The following CYP2C19 variants were observed in gnomAD, a reference collection of about 807,000 sequenced individuals.
CYP2C19 encodes the protein cytochrome P450 family 2 subfamily C member 19.
A neutral mutation model predicts 40.9 loss-of-function variants in CYP2C19; 59 were observed. The ratio of observed to expected loss-of-function variants is 1.44; its 90% CI spans 1.17 to 1.79. CYP2C19 has a LOEUF of 1.79. CYP2C19 is among the 40% of genes most tolerant of loss of function. The pLI is 0.00. For missense variants in CYP2C19, 754 were observed against 596.9 expected, an observed-to-expected ratio of 1.26 and a Z score of -2.74; for synonymous variants, 253 against 208.7, an observed-to-expected ratio of 1.21 and a Z score of -1.83.
Position 94,854,310 on chromosome 10 carries a change from C to T in CYP2C19, c.*1396C>T, listed in dbSNP as rs551314604. Among the ~76,000 whole-genome samples, 1 of 152,228 alleles carries T rather than the reference C, an allele frequency of 6.6e-6. No homozygotes were observed. The highest frequency in any genetic ancestry group is 1.9e-4 in the East Asian group (1 of 5,168). Reference sequence around the variant, plus strand: ...CTGGGCTTACAGGCGTGAGCCACTGCACCTGGCTGAACAAAATTTCTAAGA... The same window carrying T: ...CTGGGCTTACAGGCGTGAGCCACTGTACCTGGCTGAACAAAATTTCTAAGA... On this transcript the variant is annotated 3_prime_UTR_variant, in exon 9 of 9. Transcript: ENST00000371321.
At chr10:94,802,935 AT>A (rs1848786780) in intron 5 of CYP2C19, among the ~76,000 whole-genome samples, 1 of 152,074 alleles carries the variant, frequency 6.6e-6, no homozygotes, top group Admixed American at 6.6e-5. Flanking sequence ...CTCGCTTGTC[AT>A]GTTTCTGCTG....
At chr10:94,827,731 T>C (rs1258297405) in intron 6 of CYP2C19, among the ~76,000 whole-genome samples, 1 of 152,160 alleles carries the variant, frequency 6.6e-6, no homozygotes, top group Admixed American at 6.5e-5. Flanking sequence ...GCTCTTGCTT[T>C]TCTAGTTCTT....
At chr10:94,820,730 C>G (rs972622925) in intron 6 of CYP2C19, 93 bp downstream of exon 6, 4 of 1,507,086 alleles carry the variant, frequency 2.7e-6, no homozygotes, top group Admixed American at 1.7e-5. Flanking sequence ...TAGAGAAGTT[C>G]CATTATTTAA....
At chr10:94,768,532 G>A (rs756886931) in intron 1 of CYP2C19, among the ~76,000 whole-genome samples, 2 of 152,162 alleles carry the variant, frequency 1.3e-5, no homozygotes, top group African/African-American at 2.4e-5. Flanking sequence ...TCAAGGAGTA[G>A]CACCTGATAT....
At chr10:94,810,975 A>G (rs1848914046) in intron 5 of CYP2C19, among the ~76,000 whole-genome samples, 1 of 152,232 alleles carries the variant, frequency 6.6e-6, no homozygotes, top group East Asian at 1.9e-4. Context: ...ATGTGATGTT[A>G]GGGTGTTGAT....
At chr10:94,803,002 G>A (rs1848787325) in intron 5 of CYP2C19, among the ~76,000 whole-genome samples, 1 of 151,832 alleles carries the variant, frequency 6.6e-6, no homozygotes, top group Non-Finnish European at 1.5e-5. Flanking sequence ...AACCTCTCTG[G>A]CTGCTCTTAA....
At chr10:94,793,730 C>T (rs1848642244) in intron 5 of CYP2C19, among the ~76,000 whole-genome samples, 1 of 152,112 alleles carries the variant, frequency 6.6e-6, no homozygotes, top group Admixed American at 6.5e-5. Context: ...AGCTTTGTCT[C>T]AAAGGAGCAC....
chr10:94,781,998 G>A lies in CYP2C19; in HGVS notation c.819+1G>A. 6.5e-7 allele frequency: 1 copy of A among 1,534,792 alleles called. No homozygotes were observed. The highest frequency in any genetic ancestry group is 1.3e-5 in the South Asian group (1 of 74,742). ...TTGCTTCCTGATCAAAATGGAGAAG[G>A]TAAAATGTTAACAAAAGCTTAGTTA... On this transcript the variant is annotated splice_donor_variant, in intron 5 of 8. Transcript: ENST00000371321. LOFTEE classifies it high-confidence loss of function.
chr10:94,828,465 A>G (rs1849268438), intron 6 of CYP2C19, among the ~76,000 whole-genome samples: 1 of 145,820 alleles, frequency 6.9e-6, no homozygotes, highest in South Asian at 2.3e-4. Context: ...AGTCTGTTTT[A>G]TCAGAGACTA....
chr10:94,820,753 G>A (rs576942553), intron 6 of CYP2C19, 116 bp downstream of exon 6: 35 of 1,315,934 alleles, frequency 2.7e-5, no homozygotes, highest in East Asian at 1.4e-4. Context: ...TTCTGTGCCC[G>A]CAGCTGTAAT....
intron 6 of CYP2C19, among the ~76,000 whole-genome samples, chr10:94,826,467 G>T (rs966742033): frequency 6.6e-6 from 1 of 152,066 alleles, no homozygotes; most frequent in African/African-American, 2.4e-5. Context: ...TTTGTCTATT[G>T]TTGGTGTATA....
At chr10:94,792,623 G>T (rs1338369315) in intron 5 of CYP2C19, among the ~76,000 whole-genome samples, 1 of 152,098 alleles carries the variant, frequency 6.6e-6, no homozygotes, top group Non-Finnish European at 1.5e-5. Context: ...AGCTTAATTT[G>T]GCTGGATATG....
chr10:94,847,635 C>G (rs375968630), intron 7 of CYP2C19, among the ~76,000 whole-genome samples: 2 of 152,048 alleles, frequency 1.3e-5, no homozygotes. Flanking sequence ...TAGTTCTAGA[C>G]CCCTGAGGAA....
rs538456335 is a variant in CYP2C19 at position 94,837,272 on chromosome 10, C to T, written c.962-5565C>T. Reference sequence around the variant, plus strand: ...TTTACTAGGCCTTGGGCTTTTAGGTCCTTAACAATCTTTTGGAGTCCTTGT... The same window carrying T: ...TTTACTAGGCCTTGGGCTTTTAGGTTCTTAACAATCTTTTGGAGTCCTTGT... On this transcript the variant is annotated intron_variant, in intron 6 of 8. Transcript: ENST00000371321. 1.7e-4 allele frequency among the ~76,000 whole-genome samples: 26 copies of T among 152,200 alleles called. No individual in the cohort carries two copies. In the East Asian group the frequency reaches 4.6e-3, roughly 27 times the overall value.
intron 4 of CYP2C19, among the ~76,000 whole-genome samples, chr10:94,781,278 C>A (rs1430113562): frequency 6.6e-6 from 1 of 152,048 alleles, no homozygotes; most frequent in Non-Finnish European, 1.5e-5. Flanking sequence ...TTATACTCTG[C>A]CTAAATAATA....
intron 6 of CYP2C19, among the ~76,000 whole-genome samples, chr10:94,836,423 T>C (rs1849404517): frequency 6.6e-6 from 1 of 152,224 alleles, no homozygotes; most frequent in Admixed American, 6.5e-5. Flanking sequence ...TAAAGAAAAG[T>C]CTTGCCCTGT....
chr10:94,770,051 C>G (rs1848305553), intron 1 of CYP2C19, among the ~76,000 whole-genome samples: 1 of 152,154 alleles, frequency 6.6e-6, no homozygotes, highest in Admixed American at 6.5e-5. Context: ...TGGTAACGGA[C>G]CTTGAGGACC....
intron 5 of CYP2C19, among the ~76,000 whole-genome samples, chr10:94,808,834 C>T (rs1478735355): frequency 1.3e-5 from 2 of 152,134 alleles, no homozygotes; most frequent in Non-Finnish European, 2.9e-5. Flanking sequence ...TCCACTCATC[C>T]ATTGATGAAC....
chr10:94,797,437 A>G (rs1848705251), intron 5 of CYP2C19, among the ~76,000 whole-genome samples: 1 of 151,936 alleles, frequency 6.6e-6, no homozygotes, highest in Non-Finnish European at 1.5e-5. Context: ...CTTCAGGCAT[A>G]TTGGCCTGAA....
Sources: allele counts gnomAD v4.1 joint callset (sites outside exome capture counted in the v4.1 genomes callset), GRCh38; gene constraint gnomAD v4.1.1; transcripts MANE v1.5; gene names NCBI Gene and HGNC (gene_info 2026-07-23, HGNC 2026-07-21).